Variants in STAG1 observed in about 807,000 individuals in gnomAD.
STAG1 encodes STAG1 cohesin complex component.
In STAG1, 26 loss-of-function variants were observed where a neutral mutation model predicts 170.9. The ratio of observed to expected loss-of-function variants is 0.15; its 90% CI spans 0.11 to 0.21. STAG1 has a LOEUF of 0.21. STAG1 is among the 10% of genes least tolerant of loss of function. The pLI, the probability that STAG1 is intolerant of heterozygous loss-of-function variation, is 1.00. For missense variants in STAG1, 964 were observed against 1,509.5 expected (o/e 0.64, Z 5.99); for synonymous variants, 514 against 497.7 (o/e 1.03, Z -0.44).
intron 4 of STAG1, among the ~76,000 whole-genome samples, chr3:136,594,990 G>A (rs969574739): frequency 2.6e-5 from 4 of 152,184 alleles, no homozygotes; most frequent in Non-Finnish European, 5.9e-5. Context: ...GGCTAGTCTC[G>A]AACTCCTGGC....
At chr3:136,531,907 T>TAAAA (rs58322006) in intron 6 of STAG1, among the ~76,000 whole-genome samples, 1 of 90,354 alleles carries the variant, frequency 1.1e-5, no homozygotes. Flanking sequence ...ACTTAAAGTA[T>TAAAA]AAAAAAAAAA....
At chr3:136,356,581 T>TA (rs1936663647) in intron 28 of STAG1, among the ~76,000 whole-genome samples, 1 of 152,042 alleles carries the variant, frequency 6.6e-6, no homozygotes, top group African/African-American at 2.4e-5. Context: ...GGGGTCTTGC[T>TA]ACGTTGCCAG....
intron 7 of STAG1, among the ~76,000 whole-genome samples, chr3:136,506,311 A>G (rs1287341343): frequency 6.6e-6 from 1 of 152,022 alleles, no homozygotes; most frequent in Admixed American, 6.6e-5. Context: ...ATAGGTAGAG[A>G]GAAATTGTTA....
intron 4 of STAG1, among the ~76,000 whole-genome samples, chr3:136,578,140 T>G (rs1318483371): frequency 1.3e-5 from 2 of 152,206 alleles, no homozygotes; most frequent in African/African-American, 2.4e-5. Context: ...TTCTGTAAGC[T>G]TACTCTTTTT....
At chr3:136,457,280 G>T (rs2089141092) in intron 13 of STAG1, among the ~76,000 whole-genome samples, 1 of 152,128 alleles carries the variant, frequency 6.6e-6, no homozygotes, top group Non-Finnish European at 1.5e-5. Context: ...TCTGGAATGT[G>T]CGCAGACTTG....
chr3:136,435,149 C>A (rs1269511516), intron 15 of STAG1, among the ~76,000 whole-genome samples: 1 of 152,134 alleles, frequency 6.6e-6, no homozygotes, highest in African/African-American at 2.4e-5. Flanking sequence ...AAGCAAGTTT[C>A]CCTTATCTAG....
intron 1 of STAG1, among the ~76,000 whole-genome samples, chr3:136,665,597 G>C (rs1038453969): frequency 6.6e-6 from 1 of 151,730 alleles, no homozygotes. Flanking sequence ...AGCTAACACA[G>C]TGAAACCCCA....
chr3:136,349,390 A>G (rs779786385), intron 28 of STAG1, 27 bp from the exon 29 acceptor site: 11 of 1,563,958 alleles, frequency 7.0e-6, no homozygotes, highest in African/African-American at 1.4e-5. Context: ...AACAGCAGTG[A>G]TTTTCAGAGA....
rs894909196 is a variant in STAG1, at chr3:136,338,016, C to G, written c.*238G>C. 7.9e-6 allele frequency: 4 copies of G among 505,704 alleles called. No individual in the cohort carries two copies. In the Admixed American group the frequency reaches 1.1e-4, roughly 14 times the overall value. The allele number at this position is 505,704 out of a possible 1,614,324, so 31.3% of individuals were successfully genotyped here. ...ACACACATCTGTATTGGGATAAGTC[C>G]AATAGTAGGACACAAATGATTTTCA... On this transcript the variant is annotated 3_prime_UTR_variant, in exon 34 of 34. Coordinates refer to ENST00000383202, the MANE Select transcript of STAG1 (RefSeq NM_005862.3).
chr3:136,539,374 T>C (rs1184690272), intron 6 of STAG1, among the ~76,000 whole-genome samples: 1 of 152,020 alleles, frequency 6.6e-6, no homozygotes, highest in Non-Finnish European at 1.5e-5. Flanking sequence ...AGAGAAAAAA[T>C]CTGCAAGGTT....
chr3:136,505,916 T>C (rs377645242), intron 7 of STAG1, among the ~76,000 whole-genome samples: 54 of 152,150 alleles, frequency 3.5e-4, no homozygotes, highest in East Asian at 3.1e-3. Context: ...GGGAGGAGGG[T>C]ACTCACTACA....
intron 7 of STAG1, 77 bp downstream of exon 7, chr3:136,521,136 T>C: frequency 8.5e-7 from 1 of 1,170,412 alleles, no homozygotes; most frequent in Non-Finnish European, 1.2e-6. Flanking sequence ...AATTAAATCT[T>C]CTCATTAAGT....
At chr3:136,533,571 G>T (rs1277479198) in intron 6 of STAG1, among the ~76,000 whole-genome samples, 1 of 152,102 alleles carries the variant, frequency 6.6e-6, no homozygotes, top group Non-Finnish European at 1.5e-5. Context: ...ATCACATGGT[G>T]AGAGAAGGAG....
chr3:136,632,645 A>T (rs1378500484), intron 1 of STAG1, among the ~76,000 whole-genome samples: 2 of 152,110 alleles, frequency 1.3e-5, no homozygotes, highest in African/African-American at 4.8e-5. Flanking sequence ...AAGGAGGAAA[A>T]TATGTTACGG....
intron 1 of STAG1, among the ~76,000 whole-genome samples, chr3:136,657,747 GGAAGGCACAGGTTGCAGTGAGCCAA>G (rs1163421271): frequency 2.6e-5 from 4 of 152,090 alleles, no homozygotes; most frequent in Non-Finnish European, 5.9e-5. Flanking sequence ...ACTTGAGCCT[GGAAGGCACAGGTTGCAGTGAGCCAA>G]GATGGCACCA....
intron 4 of STAG1, among the ~76,000 whole-genome samples, chr3:136,597,075 T>TA (rs907689697): frequency 6.6e-6 from 1 of 151,948 alleles, no homozygotes; most frequent in Non-Finnish European, 1.5e-5. Flanking sequence ...GACTGTATCT[T>TA]AAAAAAAAAT....
intron 23 of STAG1, among the ~76,000 whole-genome samples, chr3:136,373,988 A>C (rs1937483652): frequency 6.6e-6 from 1 of 152,148 alleles, no homozygotes; most frequent in African/African-American, 2.4e-5. Flanking sequence ...GTCTCTTTGT[A>C]GGTCACTAAG....
At chr3:136,695,655 T>G (rs1942863350) in intron 1 of STAG1, among the ~76,000 whole-genome samples, 1 of 151,552 alleles carries the variant, frequency 6.6e-6, no homozygotes, top group Non-Finnish European at 1.5e-5. Flanking sequence ...AGACAAAACT[T>G]TCTTTAACAG....
chr3:136,745,287 C>T (rs868598085), intron 1 of STAG1, among the ~76,000 whole-genome samples: 1 of 152,026 alleles, frequency 6.6e-6, no homozygotes, highest in African/African-American at 2.4e-5. Context: ...AATACATACA[C>T]CTACTATGGA....
Sources: gnomAD v4.1 joint callset for allele counts (sites outside exome capture counted in the v4.1 genomes callset) on GRCh38, gnomAD v4.1.1 for gene constraint, MANE v1.5 for transcripts, NCBI Gene and HGNC (gene_info 2026-07-23, HGNC 2026-07-21) for gene names.